BMP1: variants seen among roughly 807,000 people sequenced by gnomAD.
BMP1 encodes bone morphogenetic protein 1.
In BMP1, 63 loss-of-function variants were observed where a neutral mutation model predicts 116.8. The ratio of observed to expected loss-of-function variants is 0.54; its 90% CI spans 0.44 to 0.67. BMP1 has a LOEUF of 0.67. Ranked by LOEUF, BMP1 falls within the 30% of genes least tolerant of loss-of-function variation. The probability of loss-of-function intolerance (pLI) is 0.00; values close to 1 mark genes in which losing one functional copy is unlikely to be tolerated. For synonymous variants in BMP1, 536 were observed against 533.4 expected, an observed-to-expected ratio of 1.00 and a Z score of -0.07; for missense variants, 1,183 against 1,358.9, an observed-to-expected ratio of 0.87 and a Z score of 2.04.
At chr8:22,181,899 GC>G (rs1398121413) in intron 8 of BMP1, among the ~76,000 whole-genome samples, 2 of 151,980 alleles carry the variant, frequency 1.3e-5, no homozygotes, top group Non-Finnish European at 2.9e-5. Flanking sequence ...TCTCCCTTAA[GC>G]CCCCCAGTTG....
Position 22,201,858 on chromosome 8 carries a change from G to A in BMP1, c.2163G>A (p.Thr721=), listed in dbSNP as rs140026102. The change falls in exon 16 of 20, where the codon ACG becomes ACA. Residue 721 remains threonine, a synonymous_variant. Transcript: ENST00000306385. ...GCTGCCAGCAGGACTGCGTCAACAC[G>A]TTCGGCAGTTATGAGTGCCAATGCC... ...NGGCQQDCVN[T]FGSYECQCRS... 20 of 1,613,718 alleles carry A rather than the reference G, an allele frequency of 1.2e-5. No homozygotes were observed. The highest frequency in any genetic ancestry group is 1.2e-4 in the Admixed American group (7 of 59,988).
chr8:22,194,831 C>T lies in BMP1; in HGVS notation c.1551C>T (p.Asp517=). 10 of 1,612,980 alleles carry T rather than the reference C, an allele frequency of 6.2e-6. No homozygotes were observed. Among genetic ancestry groups the T allele is most frequent in the South Asian group, 1.1e-5 (1 of 90,696 alleles). The change falls in exon 12 of 20, where the codon GAC becomes GAT. Residue 517 remains aspartate, a synonymous_variant. Coordinates refer to ENST00000306385, the MANE Select transcript of BMP1 (RefSeq NM_006129.5). This position sits in a 1 kb window ranked among gnomAD's most constrained non-coding sequence, Gnocchi z 4.5. ...ACTGTGGCTATGAGAAGCCTGATGA[C>T]ATCAAGAGCACGTCCAGCCGCCTCT... ...GRYCGYEKPD[D]IKSTSSRLWL... is the part of the protein sequence containing the mutation.
chr8:22,200,835 C>T (rs541858589), intron 15 of BMP1, among the ~76,000 whole-genome samples: 96 of 152,314 alleles, frequency 6.3e-4, no homozygotes, highest in African/African-American at 2.1e-3. Context: ...ATGCAATGCA[C>T]GCCTAGTGGG....
At chr8:22,196,534 G>T in intron 13 of BMP1, 146 bp from the exon 14 acceptor site, 1 of 1,265,862 alleles carries the variant, frequency 7.9e-7, no homozygotes, top group Non-Finnish European at 1.1e-6. Flanking sequence ...CCTCCCGTCC[G>T]CCCCAGAGGG....
At chr8:22,178,027 T>C (rs1828504641) in intron 6 of BMP1, 70 bp downstream of exon 6, 1 of 1,258,704 alleles carries the variant, frequency 7.9e-7, no homozygotes, top group Non-Finnish European at 1.1e-6. Context: ...GCTATTCTCC[T>C]CCTGCCTCCC....
At chr8:22,186,450 C>T (rs1253785104) in intron 8 of BMP1, among the ~76,000 whole-genome samples, 1 of 152,086 alleles carries the variant, frequency 6.6e-6, no homozygotes, top group African/African-American at 2.4e-5. Flanking sequence ...CTCTCTGTGC[C>T]TTTGTTTCCC....
intron 1 of BMP1, among the ~76,000 whole-genome samples, chr8:22,167,404 C>A (rs1045597488): frequency 6.6e-6 from 1 of 152,182 alleles, no homozygotes; most frequent in South Asian, 2.1e-4. Context: ...GAGTTTCCTG[C>A]CCCTCTGCAG....
rs1828425124 is a variant in BMP1, at chr8:22,176,173, A to G, written c.293A>G (p.Gln98Arg). The G allele has an allele frequency of 3.7e-6, 6 of 1,614,106 alleles. No homozygotes were observed. The highest frequency in any genetic ancestry group is 5.1e-6 in the Non-Finnish European group (6 of 1,180,008). The change falls in exon 3 of 20, where the codon CAG (glutamine) becomes CGG (arginine). Residue 98 changes from glutamine (Q) to arginine (R), a missense_variant. Gln to Arg is a conservative substitution (Grantham distance 43). Coordinates refer to ENST00000306385, the MANE Select transcript of BMP1 (RefSeq NM_006129.5). ...GGAAACACTTCTACCCCCAGCTGCC[A>G]GAGCACCAACGGGCAGCCTCAGAGG... ...VPGNTSTPSC[Q>R]STNGQPQRGA... is the part of the protein sequence containing the mutation.
At chr8:22,209,840 C>T in intron 19 of BMP1, 145 bp downstream of exon 19, 1 of 891,244 alleles carries the variant, frequency 1.1e-6, no homozygotes, top group Non-Finnish European at 1.7e-6. Context: ...GTGTGGGAGC[C>T]CAGAAGCCCA....
chr8:22,186,447 T>C (rs1305579973), intron 8 of BMP1, among the ~76,000 whole-genome samples: 2 of 152,170 alleles, frequency 1.3e-5, no homozygotes, highest in Non-Finnish European at 2.9e-5. Context: ...AACCTCTCTG[T>C]GCCTTTGTTT....
At chr8:22,177,719 C>G (rs376562521) in intron 5 of BMP1, 133 bp from the exon 6 acceptor site, 23 of 785,708 alleles carry the variant, frequency 2.9e-5, no homozygotes, top group Non-Finnish European at 5.2e-5. Flanking sequence ...CTTGGCTGCT[C>G]CCCGGACCCT....
At chr8:22,210,464 T>TCACA (rs1261150197) in intron 19 of BMP1, among the ~76,000 whole-genome samples, 1 of 90,564 alleles carries the variant, frequency 1.1e-5, no homozygotes, top group Non-Finnish European at 2.0e-5. Flanking sequence ...TCTCTCTCTC[T>TCACA]CTCTCACACA....
At chr8:22,175,767 C>A (rs1469931549) in intron 2 of BMP1, among the ~76,000 whole-genome samples, 3 of 152,176 alleles carry the variant, frequency 2.0e-5, no homozygotes, top group Non-Finnish European at 2.9e-5. Context: ...AGCACTTCAG[C>A]ATTATGCTCA....
rs777844397 is a variant in BMP1, at chr8:22,209,510, G to A, written c.2641G>A (p.Asp881Asn). ...KDLYSHAQFG[D>N]NNYPGGVDCE... is the part of the protein sequence containing the mutation. ...CCTTTACTCCCACGCCCAGTTTGGC[G>A]ACAACAACTACCCTGGGGGTGTGGA... is the stretch of plus-strand genomic sequence containing the variant. Residue 881 changes from aspartate to asparagine, a missense_variant, in exon 19 of 20, where the codon GAC becomes AAC. Coordinates refer to ENST00000306385, the MANE Select transcript of BMP1 (RefSeq NM_006129.5). 1.4e-5 allele frequency: 23 copies of A among 1,614,224 alleles called. No individual in the cohort carries two copies. The highest frequency in any genetic ancestry group is 1.9e-5 in the Non-Finnish European group (22 of 1,180,032).
chr8:22,194,360 C>T lies in BMP1; in HGVS notation c.1298-85C>T. ...GAAAAGCTGGGGGACATGGGAGGGA[C>T]TGGAGGAGTGGGGAAAAGAGCTCCC... On this transcript the variant is annotated intron_variant, in intron 10 of 19. Transcript: ENST00000306385. This position sits in a 1 kb window ranked among gnomAD's most constrained non-coding sequence, Gnocchi z 4.5. 1 of 1,557,198 alleles carries T rather than the reference C, an allele frequency of 6.4e-7. No individual in the cohort carries two copies. Among genetic ancestry groups the T allele is most frequent in the Non-Finnish European group, 8.8e-7 (1 of 1,141,006 alleles).
intron 1 of BMP1, among the ~76,000 whole-genome samples, chr8:22,168,317 C>T (rs2131836354): frequency 6.6e-6 from 1 of 152,174 alleles, no homozygotes; most frequent in Non-Finnish European, 1.5e-5. Context: ...AGGAAATCAG[C>T]CAAACCATGA....
Position 22,165,473 on chromosome 8 carries a change from T to C in BMP1, c.68T>C (p.Leu23Pro). 6.3e-7 allele frequency: 1 copy of C among 1,584,090 alleles called. No homozygotes were observed. The highest frequency in any genetic ancestry group is 8.6e-7 in the Non-Finnish European group (1 of 1,168,660). Residue 23 changes from leucine (L) to proline (P), a missense_variant, in exon 1 of 20, where the codon CTG (leucine) becomes CCG (proline). By Grantham distance (98) the Leu-to-Pro change is moderately conservative. Coordinates refer to ENST00000306385, the MANE Select transcript of BMP1 (RefSeq NM_006129.5). ...CTGCTCCCGCGTCCCGGCCGGCCGCTGGACTTGGCCGACTACACCTATGAC... is the reference window on the plus strand; with the variant it reads ...CTGCTCCCGCGTCCCGGCCGGCCGCCGGACTTGGCCGACTACACCTATGAC... ...LLLLPRPGRP[L>P]DLADYTYDLA...
chr8:22,177,133 C>A lies in BMP1; in HGVS notation c.724C>A (p.Gln242Lys), dbSNP rs2131850058. 4 of 1,604,742 alleles carry A rather than the reference C, an allele frequency of 2.5e-6. No individual in the cohort carries two copies. The highest frequency in any genetic ancestry group is 3.4e-6 in the Non-Finnish European group (4 of 1,174,370). The change falls in exon 5 of 20, where the codon CAG becomes AAG. Residue 242 changes from glutamine to lysine, a missense_variant. Physicochemically the swap from Gln to Lys is moderately conservative, Grantham distance 53 (BLOSUM62 1). Around this residue, in one of 4 missense-constraint regions of BMP1, gnomAD observed 956 missense variants for 1,135.2 expected, o/e 0.84. Coordinates refer to ENST00000306385, the MANE Select transcript of BMP1 (RefSeq NM_006129.5). ...RHVSIVRENI[Q>K]PGQEYNFLKM... is the part of the protein sequence containing the mutation. ...CGTTTCCATCGTTCGTGAGAACATC[C>A]AGCCAGGTAGGTACCTGCCCCTCGG...
At chr8:22,199,948 C>T (rs1376707028) in intron 15 of BMP1, among the ~76,000 whole-genome samples, 1 of 152,204 alleles carries the variant, frequency 6.6e-6, no homozygotes, top group East Asian at 1.9e-4. Flanking sequence ...CTTCTGGAAG[C>T]CCATGTTCCA....
Sources: gnomAD v4.1 joint callset for allele counts (sites outside exome capture counted in the v4.1 genomes callset) on GRCh38, gnomAD v4.1.1 for gene constraint, gnomAD v4.1.1 regional missense constraint, Gnocchi (gnomAD v3.1) non-coding constraint, MANE v1.5 for transcripts, NCBI Gene and HGNC (gene_info 2026-07-23, HGNC 2026-07-21) for gene names.